Variants in XRN1 observed in about 807,000 individuals in gnomAD.
XRN1 encodes the protein 5'-3' exoribonuclease 1.
A neutral mutation model predicts 222.3 loss-of-function variants in XRN1; 67 were observed. The ratio of observed to expected loss-of-function variants is 0.30; its 90% CI spans 0.25 to 0.37. The LOEUF (loss-of-function observed/expected upper bound fraction) is 0.37. XRN1 is among the 10% of genes least tolerant of loss of function. The pLI is 1.00. For synonymous variants in XRN1, 643 were observed against 652.4 expected (o/e 0.99, Z 0.22); for missense variants, 1,707 against 2,000.2 (o/e 0.85, Z 2.80).
chr3:142,441,168 G>A (rs1388789554), intron 1 of XRN1, among the ~76,000 whole-genome samples: 1 of 152,236 alleles, frequency 6.6e-6, no homozygotes, highest in Non-Finnish European at 1.5e-5. Context: ...AGTGGGGAAT[G>A]TATCCAGCCT....
intron 39 of XRN1, among the ~76,000 whole-genome samples, chr3:142,317,752 G>A (rs2065248594): frequency 6.6e-6 from 1 of 152,040 alleles, no homozygotes; most frequent in African/African-American, 2.4e-5. Context: ...AGTTTCTGAT[G>A]CCTCCAAGAT....
At chr3:142,318,471 T>G in intron 39 of XRN1, 121 bp downstream of exon 39, 1 of 922,100 alleles carries the variant, frequency 1.1e-6, no homozygotes, top group East Asian at 2.6e-5. Context: ...GCTGTGGCTT[T>G]AGGCTTTCTC....
chr3:142,422,697 C>A lies in XRN1; in HGVS notation c.852G>T (p.Leu284Phe). ...DIERIIDDWI[L>F]MGFLVGNDFI... ...AATCATTACCAACAAGAAACCCCATCAAAATCCAATCATCTATTATCCTTT... is the reference window on the plus strand; with the variant it reads ...AATCATTACCAACAAGAAACCCCATAAAAATCCAATCATCTATTATCCTTT... The change falls in exon 8 of 41, where the codon TTG becomes TTT. Residue 284 changes from leucine to phenylalanine, a missense_variant. Coordinates refer to ENST00000392981, the MANE Select transcript of XRN1 (RefSeq NM_001282857.2). 1 of 1,612,312 alleles carries A rather than the reference C, an allele frequency of 6.2e-7. No individual in the cohort carries two copies. The highest frequency in any genetic ancestry group is 1.1e-5 in the South Asian group (1 of 91,030).
chr3:142,333,112 C>T (rs1397176800), intron 34 of XRN1, 23 bp from the exon 35 acceptor site: 4 of 1,605,672 alleles, frequency 2.5e-6, no homozygotes, highest in Non-Finnish European at 3.4e-6. Flanking sequence ...ATATTTTGGG[C>T]ATGAAGATGA....
At chr3:142,367,201 C>T (rs1046590873) in intron 27 of XRN1, among the ~76,000 whole-genome samples, 1 of 151,982 alleles carries the variant, frequency 6.6e-6, no homozygotes, top group Non-Finnish European at 1.5e-5. Flanking sequence ...GCAGAAGAAT[C>T]GCTTGAACAC....
chr3:142,418,186 A>C (rs2068859330), intron 12 of XRN1: 1 of 239,666 alleles, frequency 4.2e-6, no homozygotes, highest in Non-Finnish European at 7.9e-6. Context: ...TGTAATGAAG[A>C]AGCAGTGGCC....
chr3:142,366,133 T>C (rs1268146909), intron 27 of XRN1, among the ~76,000 whole-genome samples: 6 of 152,332 alleles, frequency 3.9e-5, no homozygotes, highest in African/African-American at 1.2e-4. Context: ...AAGATGGACA[T>C]ATTATCTGTT....
intron 30 of XRN1, among the ~76,000 whole-genome samples, chr3:142,358,813 G>C (rs145156195): frequency 1.3e-5 from 2 of 152,194 alleles, no homozygotes; most frequent in African/African-American, 4.8e-5. Context: ...TGACTACTTG[G>C]TATAACAGCC....
At position 142,318,891 on chromosome 3, in the gene XRN1, A is replaced by C. The variant is rs1161606702; in HGVS notation, c.4417T>G (p.Cys1473Gly). 1.2e-6 allele frequency: 2 copies of C among 1,613,414 alleles called. No individual in the cohort carries two copies. Among genetic ancestry groups the C allele is most frequent in the Non-Finnish European group, 1.7e-6 (2 of 1,179,772 alleles). Residue 1473 changes from cysteine to glycine, a missense_variant, in exon 38 of 41, where the codon TGC becomes GGC. By Grantham distance (159) the Cys-to-Gly change is radical. Coordinates refer to ENST00000392981, the MANE Select transcript of XRN1 (RefSeq NM_001282857.2). ...AAGCCATTAGATAATTTTACTTGGC[A>C]AACGGTCATTGTCTAAAAAAAGAGA... ...FLRMPQTMTV[C>G]QVKLSNGLLV...
At chr3:142,331,812 T>C (rs2065704705) in intron 36 of XRN1, among the ~76,000 whole-genome samples, 1 of 152,186 alleles carries the variant, frequency 6.6e-6, no homozygotes. Context: ...TCTATCTCTG[T>C]TGCCCAGGTT....
chr3:142,323,660 C>G (rs975738376), intron 37 of XRN1, among the ~76,000 whole-genome samples: 1 of 152,080 alleles, frequency 6.6e-6, no homozygotes, highest in Admixed American at 6.5e-5. Flanking sequence ...TCTCCTATTA[C>G]TACTGTGGTG....
At chr3:142,445,519 A>G (rs779111326) in intron 1 of XRN1, among the ~76,000 whole-genome samples, 2 of 152,226 alleles carry the variant, frequency 1.3e-5, no homozygotes, top group African/African-American at 4.8e-5. Flanking sequence ...TTCAGGGAAT[A>G]TAAGTTCACA....
At chr3:142,323,451 G>A (rs1334822120) in intron 37 of XRN1, among the ~76,000 whole-genome samples, 1 of 151,776 alleles carries the variant, frequency 6.6e-6, no homozygotes, top group African/African-American at 2.4e-5. Flanking sequence ...CAAAGTGCTG[G>A]GATTACAGAC....
intron 32 of XRN1, among the ~76,000 whole-genome samples, chr3:142,353,515 C>G (rs191948163): frequency 4.3e-4 from 66 of 152,126 alleles, no homozygotes; most frequent in African/African-American, 1.4e-3. Context: ...AATAGAGAAC[C>G]CAGAAATAAA....
At chr3:142,360,881 A>T (rs1237858949) in intron 29 of XRN1, among the ~76,000 whole-genome samples, 1 of 151,444 alleles carries the variant, frequency 6.6e-6, no homozygotes, top group Non-Finnish European at 1.5e-5. Flanking sequence ...CTCAAAAAAA[A>T]AAAAAAAAAC....
At position 142,311,572 on chromosome 3, in the gene XRN1, G is replaced by A. The variant is rs2065075495; in HGVS notation, c.5024C>T (p.Ser1675Phe). Residue 1675 changes from serine (S) to phenylalanine (F), a missense_variant, in exon 41 of 41, where the codon TCT becomes TTT. Ser to Phe is a radical substitution (Grantham distance 155). Coordinates refer to ENST00000392981, the MANE Select transcript of XRN1 (RefSeq NM_001282857.2). Reference protein sequence around the residue: ...ISHHKSTPISSSRRKSRKLAV... With the variant: ...ISHHKSTPISFSRRKSRKLAV... ...CAGTTTTCTTGATTTTCTTCTTGAAGAAGAGATTGGTGTTGACTTATGGTG... is the reference window on the plus strand; with the variant it reads ...CAGTTTTCTTGATTTTCTTCTTGAAAAAGAGATTGGTGTTGACTTATGGTG... The A allele has an allele frequency of 6.2e-7, 1 of 1,612,944 alleles. No individual in the cohort carries two copies.
At chr3:142,433,163 A>T (rs886838612) in intron 1 of XRN1, among the ~76,000 whole-genome samples, 1 of 152,182 alleles carries the variant, frequency 6.6e-6, no homozygotes, top group Non-Finnish European at 1.5e-5. Context: ...CCAAGAAAAC[A>T]CCAAATAAAG....
chr3:142,319,344 T>C (rs1233214212), intron 37 of XRN1, among the ~76,000 whole-genome samples: 2 of 151,940 alleles, frequency 1.3e-5, no homozygotes, highest in Non-Finnish European at 2.9e-5. Context: ...ACAGAAAAAA[T>C]TTGCTGACTC....
chr3:142,360,071 T>C (rs930143475), intron 29 of XRN1, 140 bp from the exon 30 acceptor site: 4 of 490,368 alleles, frequency 8.2e-6, no homozygotes, highest in African/African-American at 8.0e-5. Flanking sequence ...AACAATGGCA[T>C]AATATTAATA....
Sources: allele counts gnomAD v4.1 joint callset (sites outside exome capture counted in the v4.1 genomes callset), GRCh38; gene constraint gnomAD v4.1.1; transcripts MANE v1.5; gene names NCBI Gene and HGNC (gene_info 2026-07-23, HGNC 2026-07-21).